HIVEP3: variants seen among roughly 807,000 people sequenced by gnomAD.
HIVEP3 encodes the protein HIVEP zinc finger 3, also known as transcription factor HIVEP3.
A neutral mutation model predicts 152.8 loss-of-function variants in HIVEP3; 49 were observed. The observed-to-expected ratio is 0.32, with a 90% confidence interval of 0.26 to 0.41. HIVEP3 has a LOEUF of 0.41. Ranked by LOEUF, HIVEP3 falls within the 10% of genes least tolerant of loss-of-function variation. The pLI, the probability that HIVEP3 is intolerant of heterozygous loss-of-function variation, is 1.00. For synonymous variants in HIVEP3, 1,269 were observed against 1,289.0 expected, an observed-to-expected ratio of 0.98 and a Z score of 0.33; for missense variants, 2,790 against 3,103.3, an observed-to-expected ratio of 0.90 and a Z score of 2.40.
intron 5 of HIVEP3, among the ~76,000 whole-genome samples, chr1:41,554,953 A>G (rs2149083999): frequency 6.6e-6 from 1 of 152,268 alleles, no homozygotes; most frequent in Non-Finnish European, 1.5e-5. Context: ...GGGGGTCAAG[A>G]ACCCACTTGA....
intron 1 of HIVEP3, among the ~76,000 whole-genome samples, chr1:41,764,423 G>T (rs953039497): frequency 6.6e-6 from 1 of 152,206 alleles, no homozygotes. Flanking sequence ...AGGTGCGGGT[G>T]GGGGGCATGA....
intron 1 of HIVEP3, among the ~76,000 whole-genome samples, chr1:41,913,382 G>A (rs732387): frequency 0.5 from 76,650 of 151,930 alleles, 19,582 homozygotes; most frequent in East Asian, 0.71. Context: ...ATCAATTCAT[G>A]TTTATCAGGG....
At chr1:41,630,011 A>T (rs997094108) in intron 2 of HIVEP3, among the ~76,000 whole-genome samples, 1 of 152,244 alleles carries the variant, frequency 6.6e-6, no homozygotes, top group African/African-American at 2.4e-5. Flanking sequence ...AATAGCAAAG[A>T]CATGGAATCA....
chr1:41,773,730 GC>G (rs1648520231), intron 1 of HIVEP3, among the ~76,000 whole-genome samples: 1 of 152,208 alleles, frequency 6.6e-6, no homozygotes, highest in South Asian at 2.1e-4. Context: ...AGTAAAAACT[GC>G]CCGAGGTTGC....
chr1:41,822,465 C>T (rs962712239), intron 1 of HIVEP3, among the ~76,000 whole-genome samples: 2 of 152,188 alleles, frequency 1.3e-5, no homozygotes, highest in African/African-American at 2.4e-5. Context: ...GAAGGACTGC[C>T]ACTGTCCTTC....
intron 3 of HIVEP3, among the ~76,000 whole-genome samples, chr1:41,621,811 C>A (rs985086713): frequency 1.3e-5 from 2 of 152,218 alleles, no homozygotes; most frequent in Admixed American, 6.5e-5. Context: ...AGCCCCCAGG[C>A]CTGGTCAGCC....
intron 1 of HIVEP3, among the ~76,000 whole-genome samples, chr1:41,774,412 T>G (rs890977031): frequency 1.3e-5 from 2 of 152,250 alleles, no homozygotes; most frequent in Non-Finnish European, 2.9e-5. Flanking sequence ...TGATTTGAGT[T>G]TAAAGTGTTA....
chr1:41,736,384 G>C (rs769308267), intron 1 of HIVEP3, among the ~76,000 whole-genome samples: 1 of 152,226 alleles, frequency 6.6e-6, no homozygotes. Context: ...CCCCGTGGAA[G>C]GGGTTGAGGG....
intron 6 of HIVEP3, among the ~76,000 whole-genome samples, chr1:41,522,520 C>G (rs1642786724): frequency 6.6e-6 from 1 of 152,174 alleles, no homozygotes; most frequent in Non-Finnish European, 1.5e-5. Context: ...TTCAGGACAG[C>G]AGGGGCAGCC....
At chr1:41,718,982 C>G (rs1570390301) in intron 1 of HIVEP3, among the ~76,000 whole-genome samples, 1 of 152,198 alleles carries the variant, frequency 6.6e-6, no homozygotes, top group Non-Finnish European at 1.5e-5. Flanking sequence ...TGGACTAGGA[C>G]CCACCAGGAG....
Position 41,796,278 on chromosome 1 carries a change from T to C in HIVEP3, c.-800-95283A>G, listed in dbSNP as rs1162721707. Among the ~76,000 whole-genome samples the C allele has an allele frequency of 5.3e-5, 8 of 152,236 alleles. No individual in the cohort carries two copies. The South Asian group carries it at 8.3e-4, about 16-fold the overall frequency. On this transcript the variant is annotated intron_variant, in intron 1 of 8. Transcript: ENST00000372583. ...AGCAAAAATTAAATCAAGTAGAGCA[T>C]TGATTGGCTATGACTGATCCCACGG...
chr1:41,657,199 C>T (rs889508752), intron 2 of HIVEP3, among the ~76,000 whole-genome samples: 3 of 152,164 alleles, frequency 2.0e-5, no homozygotes, highest in African/African-American at 4.8e-5. Context: ...TCCCACAAGC[C>T]GGGTGTTTAC....
At chr1:41,673,495 C>T (rs762461546) in intron 2 of HIVEP3, among the ~76,000 whole-genome samples, 8 of 152,106 alleles carry the variant, frequency 5.3e-5, no homozygotes, top group Non-Finnish European at 7.4e-5. Context: ...GCTGGCTGCT[C>T]GGCTTAGCTT....
chr1:41,714,654 G>A (rs955547568), intron 1 of HIVEP3, among the ~76,000 whole-genome samples: 3 of 152,194 alleles, frequency 2.0e-5, no homozygotes, highest in Non-Finnish European at 4.4e-5. Context: ...ACACTCTGGG[G>A]CTGACATGGG....
intron 1 of HIVEP3, among the ~76,000 whole-genome samples, chr1:41,835,891 T>A (rs1643108347): frequency 6.6e-6 from 1 of 152,222 alleles, no homozygotes; most frequent in Non-Finnish European, 1.5e-5. Flanking sequence ...TAGAGTATTA[T>A]GCAAATAAAA....
In HIVEP3 at chr1:41,506,723, G is replaced by A. The variant is rs557215071; in HGVS notation, c.*3728C>T. ...AGGCAAAACTACCCCATCCCAGTGC[G>A]GTTGCTGTACATATCTACAGTACAA... On this transcript the variant is annotated 3_prime_UTR_variant, in exon 9 of 9. Coordinates refer to ENST00000372583, the MANE Select transcript of HIVEP3 (RefSeq NM_024503.5). 26 of 151,908 alleles carry A rather than the reference G, an allele frequency of 1.7e-4. No homozygotes were observed. The South Asian group carries it at 2.7e-3, about 16-fold the overall frequency. 9.4% of individuals were successfully genotyped at this position (151,908 alleles called of 1,614,324 possible).
At chr1:41,619,946 G>A (rs180721265) in intron 3 of HIVEP3, among the ~76,000 whole-genome samples, 2 of 152,256 alleles carry the variant, frequency 1.3e-5, no homozygotes, top group East Asian at 1.9e-4. Context: ...GAATTTGCAC[G>A]TCTAGGAATC....
At chr1:41,928,562 C>G (rs981709186) in intron 1 of HIVEP3, among the ~76,000 whole-genome samples, 1 of 152,202 alleles carries the variant, frequency 6.6e-6, no homozygotes, top group Non-Finnish European at 1.5e-5. Context: ...AGTTTTTCCA[C>G]TGATGTCCTT....
chr1:41,776,634 G>A (rs1648719776), intron 1 of HIVEP3, among the ~76,000 whole-genome samples: 1 of 152,178 alleles, frequency 6.6e-6, no homozygotes, highest in African/African-American at 2.4e-5. Context: ...TGGATTTCTT[G>A]GTTTTACGAT....
Sources: allele counts gnomAD v4.1 joint callset (sites outside exome capture counted in the v4.1 genomes callset), GRCh38; gene constraint gnomAD v4.1.1; transcripts MANE v1.5; gene names NCBI Gene and HGNC (gene_info 2026-07-23, HGNC 2026-07-21).